The following SIRT2 variants were observed in gnomAD, a reference collection of about 807,000 sequenced individuals.
SIRT2 encodes sirtuin 2, also known as NAD-dependent protein deacetylase sirtuin-2.
A neutral mutation model predicts 57.4 loss-of-function variants in SIRT2; 40 were observed. The ratio of observed to expected loss-of-function variants is 0.70; its 90% CI spans 0.54 to 0.91. The LOEUF (loss-of-function observed/expected upper bound fraction) is 0.91. Ranked by LOEUF, SIRT2 falls within the 40% of genes least tolerant of loss-of-function variation. The pLI is 0.00. For missense variants in SIRT2, 439 were observed against 510.4 expected (o/e 0.86, Z 1.35); for synonymous variants, 161 against 195.7 (o/e 0.82, Z 1.48).
chr19:38,894,889 C>T (rs1278987518), intron 2 of SIRT2: 1 of 456,136 alleles, frequency 2.2e-6, no homozygotes, highest in Non-Finnish European at 4.4e-6. Flanking sequence ...CATCTCTCTG[C>T]CCTCAGATCC....
intron 2 of SIRT2, among the ~76,000 whole-genome samples, chr19:38,897,376 G>A (rs2144707037): frequency 6.6e-6 from 1 of 152,214 alleles, no homozygotes; most frequent in South Asian, 2.1e-4. Flanking sequence ...AAAATTCTAA[G>A]TCACTCTTCA....
At chr19:38,883,842 A>C in intron 8 of SIRT2, 86 bp from the exon 9 acceptor site, 1 of 1,429,024 alleles carries the variant, frequency 7.0e-7, no homozygotes, top group African/African-American at 1.4e-5. Flanking sequence ...GAGGGCCACG[A>C]GGAGCAGTGA....
At chr19:38,885,853 T>C (rs892702952) in intron 8 of SIRT2, among the ~76,000 whole-genome samples, 2 of 152,112 alleles carry the variant, frequency 1.3e-5, no homozygotes, top group African/African-American at 4.8e-5. Flanking sequence ...CCTCCCAAAG[T>C]GCTGGGATTA....
chr19:38,881,342 G>A, intron 10 of SIRT2, 90 bp downstream of exon 10: 2 of 1,261,750 alleles, frequency 1.6e-6, no homozygotes, highest in Non-Finnish European at 2.3e-6. Context: ...GTGGCCAGAT[G>A]TGTGCGGGTG....
In SIRT2 at chr19:38,889,854, C is replaced by T. The variant is rs764756007; in HGVS notation, c.375+1G>A. ...ACGCCCCTTCCTGGGGGAGCACAAA[C>T]CTTGAAATAGCTGATCTCAAAGATG... On this transcript the variant is annotated splice_donor_variant, in intron 6 of 15. Transcript: ENST00000249396. LOFTEE classifies it high-confidence loss of function. 1.2e-6 allele frequency: 2 copies of T among 1,613,922 alleles called. No homozygotes were observed. Among genetic ancestry groups the T allele is most frequent in the Non-Finnish European group, 1.7e-6 (2 of 1,179,808 alleles).
At chr19:38,897,561 C>T (rs563796065) in intron 2 of SIRT2, among the ~76,000 whole-genome samples, 43 of 151,620 alleles carry the variant, frequency 2.8e-4, no homozygotes, top group African/African-American at 8.0e-4. Flanking sequence ...TTTGCTCTGT[C>T]GCCCCGGTTG....
rs187716274 is a variant in SIRT2 at position 38,888,070 on chromosome 19, G to A, written c.501+1017C>T. On this transcript the variant is annotated intron_variant, in intron 8 of 15. Transcript: ENST00000249396. ...CGCCCGGCCACCTGTTTTATAATTC[G>A]GGGTTCTGAGGTGTGATCTAGAGCT... is the stretch of plus-strand genomic sequence containing the variant. 9.0e-3 allele frequency among the ~76,000 whole-genome samples: 1,363 copies of A among 152,042 alleles called. 20 individuals are homozygous for A. Among genetic ancestry groups the A allele is most frequent in the Non-Finnish European group, 9.3e-3 (631 of 67,976 alleles).
intron 9 of SIRT2, among the ~76,000 whole-genome samples, chr19:38,883,075 G>GT (rs61706756): frequency 0.067 from 7,365 of 110,338 alleles, 911 homozygotes; most frequent in African/African-American, 0.22. Context: ...GTGACTTCTT[G>GT]TTTTTTTTTT....
chr19:38,898,603 C>G, intron 1 of SIRT2, 178 bp from the exon 2 acceptor site: 1 of 407,408 alleles, frequency 2.5e-6, no homozygotes. Flanking sequence ...TATCTACATG[C>G]AAAGTGATGC....
At position 38,881,437 on chromosome 19, in the gene SIRT2, T is replaced by C. The variant is rs758645136; in HGVS notation, c.686A>G (p.Lys229Arg). Residue 229 changes from lysine (K) to arginine (R), a missense_variant, in exon 10 of 16, where the codon AAG becomes AGG. By Grantham distance (26) the Lys-to-Arg change is conservative. Coordinates refer to ENST00000249396, the MANE Select transcript of SIRT2 (RefSeq NM_012237.4). ...PKCEDCQSLV[K>R]PDIVFFGESL... ...GTCCCTGGCCAGAGGCTCACCAGGCTTCACCAGGCTCTGACAGTCTTCACA... is the reference window on the plus strand; with the variant it reads ...GTCCCTGGCCAGAGGCTCACCAGGCCTCACCAGGCTCTGACAGTCTTCACA... 6 of 1,614,026 alleles carry C rather than the reference T, an allele frequency of 3.7e-6. No individual in the cohort carries two copies. The East Asian group carries it at 1.3e-4, about 36-fold the overall frequency.
intron 9 of SIRT2, among the ~76,000 whole-genome samples, chr19:38,883,054 G>A (rs1973204008): frequency 1.3e-5 from 2 of 150,774 alleles, no homozygotes; most frequent in African/African-American, 2.4e-5. Flanking sequence ...GGCTTTCCAT[G>A]AGTGGAATAA....
intron 4 of SIRT2, 94 bp downstream of exon 4, chr19:38,893,320 A>G: frequency 1.3e-6 from 1 of 789,674 alleles, no homozygotes; most frequent in Admixed American, 2.1e-5. Context: ...CTTATAAAGA[A>G]AAGGTTTCAA....
In SIRT2 at chr19:38,895,115, C is replaced by G. The variant is rs559868766; in HGVS notation, c.64-1248G>C. On this transcript the variant is annotated intron_variant, in intron 2 of 15. Transcript: ENST00000249396. ...CAGCCCTTCAGCTCCAGAGCATGTA[C>G]GCTGAGCCTCCTAAGGGTCTGTCCA... 1.3e-4 allele frequency among the ~76,000 whole-genome samples: 19 copies of G among 151,582 alleles called. No homozygotes were observed. In the South Asian group the frequency reaches 3.8e-3, roughly 30 times the overall value.
rs1174746172 is a variant in SIRT2 at position 38,880,721 on chromosome 19, G to A, written c.840C>T (p.Thr280=). The A allele has an allele frequency of 6.2e-7, 1 of 1,600,708 alleles. No individual in the cohort carries two copies. Among genetic ancestry groups the A allele is most frequent in the Admixed American group, 1.7e-5 (1 of 58,976 alleles). The change falls in exon 13 of 16, where the codon ACC becomes ACT. Residue 280 remains threonine (T), a synonymous_variant. Coordinates refer to ENST00000249396, the MANE Select transcript of SIRT2 (RefSeq NM_012237.4). The surrounding 1 kb of genome is among the most constrained non-coding windows in gnomAD (Gnocchi z 4.1). ...TCTCCTTGTTGATGAGCAGGCGAGG[G>A]GTGGAGAGGGGTGCCCTGTGGGGAG... The part of the protein sequence containing the change: ...ASLISKAPLS[T]PRLLINKEKA...
intron 2 of SIRT2, among the ~76,000 whole-genome samples, chr19:38,896,491 G>A (rs1973720800): frequency 6.6e-6 from 1 of 152,128 alleles, no homozygotes; most frequent in East Asian, 1.9e-4. Flanking sequence ...GGGATTACAG[G>A]TGTGAGCCAC....
In SIRT2 at chr19:38,899,553, C is replaced by T. The variant is rs771426336; in HGVS notation, c.-32G>A. 3.1e-6 allele frequency: 5 copies of T among 1,613,830 alleles called. No individual in the cohort carries two copies. In the South Asian group the frequency reaches 5.5e-5, roughly 18 times the overall value. The stretch of plus-strand genomic sequence containing the variant: ...GGTGCTGAAGCCCTTGAGGCTGTCA[C>T]CGACCGCTCTGTCCCGTCACCAACC... On this transcript the variant is annotated 5_prime_UTR_variant, in exon 1 of 16. In the 5' UTR this introduces an upstream ATG that the reference lacks. Transcript: ENST00000249396.
At chr19:38,879,737 G>C in intron 13 of SIRT2, 35 bp from the exon 14 acceptor site, 1 of 1,514,850 alleles carries the variant, frequency 6.6e-7, no homozygotes, top group South Asian at 1.2e-5. Flanking sequence ...GGCAGGAGCA[G>C]GGAAGGGAGA....
chr19:38,882,260 C>T (rs1973177758), intron 9 of SIRT2, among the ~76,000 whole-genome samples: 1 of 152,140 alleles, frequency 6.6e-6, no homozygotes, highest in Non-Finnish European at 1.5e-5. Flanking sequence ...AGTGATCCAC[C>T]CACCTCGACG....
chr19:38,880,297 T>C lies in SIRT2; in HGVS notation c.876+388A>G. On this transcript the variant is annotated intron_variant, in intron 13 of 15. Transcript: ENST00000249396. This position sits in a 1 kb window ranked among gnomAD's most constrained non-coding sequence, Gnocchi z 4.1. ...TGCTTGCCCGGTGACCCTGCCTACT[T>C]CCCCTGAGGGGAACACCTAGGAGGG... 4.5e-6 allele frequency: 1 copy of C among 222,498 alleles called. No homozygotes were observed. Among genetic ancestry groups the C allele is most frequent in the Non-Finnish European group, 8.8e-6 (1 of 113,280 alleles). 13.8% of individuals were successfully genotyped at this position (222,498 alleles called of 1,614,324 possible).
Sources: allele counts gnomAD v4.1 joint callset (sites outside exome capture counted in the v4.1 genomes callset), GRCh38; gene constraint gnomAD v4.1.1; non-coding constraint Gnocchi (gnomAD v3.1); transcripts MANE v1.5; gene names NCBI Gene and HGNC (gene_info 2026-07-23, HGNC 2026-07-21).